Variants in NCALD observed in about 807,000 individuals in gnomAD.
The protein encoded by NCALD is neurocalcin delta.
In NCALD, 10 loss-of-function variants were observed where a neutral mutation model predicts 18.6. The observed-to-expected ratio is 0.54, with a 90% CI of 0.33 to 0.91. The LOEUF is 0.91. Among genes scored for constraint, NCALD ranks in the 40% least tolerant of loss-of-function variants. The pLI is 0.03. For synonymous variants in NCALD, 88 were observed against 87.4 expected (o/e 1.01, Z -0.04); for missense variants, 184 against 247.6 (o/e 0.74, Z 1.72).
intron 1 of NCALD, among the ~76,000 whole-genome samples, chr8:102,101,530 G>A (rs1048859162): frequency 2.0e-5 from 3 of 152,170 alleles, no homozygotes; most frequent in African/African-American, 7.2e-5. Flanking sequence ...GTTGCTGTAT[G>A]CATTCACAAA....
At chr8:101,790,544 C>T (rs950297084) in intron 1 of NCALD, among the ~76,000 whole-genome samples, 2 of 152,172 alleles carry the variant, frequency 1.3e-5, no homozygotes, top group Non-Finnish European at 2.9e-5. Flanking sequence ...CAAAACAATA[C>T]TGAAGGGAGG....
At chr8:101,899,703 C>T (rs1030967088) in intron 3 of NCALD, among the ~76,000 whole-genome samples, 2 of 151,144 alleles carry the variant, frequency 1.3e-5, no homozygotes, top group African/African-American at 4.9e-5. Flanking sequence ...AATATTGAAC[C>T]ATTCTTTTAT....
intron 2 of NCALD, among the ~76,000 whole-genome samples, chr8:101,695,811 C>A (rs1319399518): frequency 6.6e-6 from 1 of 152,088 alleles, no homozygotes; most frequent in Non-Finnish European, 1.5e-5. Context: ...CTGATAGTAC[C>A]TAACATAGGG....
chr8:102,007,552 A>T (rs1159221725), intron 2 of NCALD, among the ~76,000 whole-genome samples: 1 of 152,248 alleles, frequency 6.6e-6, no homozygotes, highest in Non-Finnish European at 1.5e-5. Flanking sequence ...AAACTACAGC[A>T]TGATTACTTG....
chr8:101,884,991 GAAT>G (rs1816626153), intron 4 of NCALD, among the ~76,000 whole-genome samples: 1 of 152,146 alleles, frequency 6.6e-6, no homozygotes, highest in Admixed American at 6.5e-5. Context: ...TGAAAATACA[GAAT>G]AATGGGCTCC....
At chr8:101,862,732 A>G (rs1443282984) in intron 4 of NCALD, among the ~76,000 whole-genome samples, 1 of 152,154 alleles carries the variant, frequency 6.6e-6, no homozygotes, top group Non-Finnish European at 1.5e-5. Context: ...TCCCTCCTTC[A>G]TTTGGGGAAG....
At chr8:101,692,379 G>A (rs1814769272) in intron 3 of NCALD, 1 of 985,254 alleles carries the variant, frequency 1.0e-6, no homozygotes, top group Non-Finnish European at 1.2e-6. Context: ...AGGCTGGAGT[G>A]AAAGCTGTCG....
chr8:101,782,040 T>TG (rs200037129), intron 1 of NCALD, among the ~76,000 whole-genome samples: 4,091 of 146,874 alleles, frequency 0.028, 93 homozygotes, highest in Middle Eastern at 0.05. Flanking sequence ...TTCAGAATAA[T>TG]GTGCAGTGTC....
At chr8:102,038,172 T>G (rs145345756) in intron 1 of NCALD, among the ~76,000 whole-genome samples, 2,208 of 152,174 alleles carry the variant, frequency 0.015, 26 homozygotes, top group Non-Finnish European at 0.022. Context: ...ACCCTGGAGC[T>G]CCTAATGGTG....
chr8:101,749,386 T>C (rs762364191), intron 1 of NCALD, among the ~76,000 whole-genome samples: 2 of 152,082 alleles, frequency 1.3e-5, no homozygotes, highest in Admixed American at 1.3e-4. Flanking sequence ...GAATAGGATT[T>C]AAAAAAGGGC....
chr8:101,901,270 G>A (rs2131564698), intron 3 of NCALD, among the ~76,000 whole-genome samples: 1 of 151,326 alleles, frequency 6.6e-6, no homozygotes, highest in East Asian at 1.9e-4. Flanking sequence ...ACAGCATATA[G>A]TTGGGGTTTT....
rs1161512747 is a variant in NCALD at position 101,935,968 on chromosome 8, G to A, written c.-156-20110C>T. On this transcript the variant is annotated intron_variant, in intron 2 of 6. Transcript: ENST00000311028. ...ACGATTAGTGCTGGCTTTAGTAAGA[G>A]CAGGGATGATTCATCCTAGTTAATA... is the stretch of plus-strand genomic sequence containing the variant. Among the ~76,000 whole-genome samples the A allele has an allele frequency of 2.6e-5, 4 of 152,002 alleles. No individual in the cohort carries two copies. In the East Asian group the frequency reaches 7.7e-4, roughly 29 times the overall value.
chr8:101,794,152 G>T (rs966562763), upstream of NCALD, among the ~76,000 whole-genome samples: 2 of 152,154 alleles, frequency 1.3e-5, no homozygotes, highest in Non-Finnish European at 2.9e-5. Context: ...CTGACACCTT[G>T]CCACAGGGTA....
chr8:101,928,648 T>G (rs1163554525), intron 2 of NCALD, among the ~76,000 whole-genome samples: 22 of 152,026 alleles, frequency 1.4e-4, no homozygotes, highest in Admixed American at 1.4e-3. Flanking sequence ...TCCTTTCTCT[T>G]CATTAACTTT....
chr8:101,942,628 CCTAA>C (rs745635195), intron 2 of NCALD, among the ~76,000 whole-genome samples: 25 of 152,268 alleles, frequency 1.6e-4, no homozygotes, highest in South Asian at 6.2e-4. Context: ...ACGTGTTCTA[CCTAA>C]CTAATTCTTA....
Position 102,073,255 on chromosome 8 carries a change from C to T in NCALD, c.-210+50982G>A, listed in dbSNP as rs139152965. ...GGCAGAGGTTGCAGTGAGCCAAGAT[C>T]GCGTCACTGCATTGCAGCCTGGGCA... On this transcript the variant is annotated intron_variant, in intron 1 of 6. Coordinates refer to the NCALD transcript ENST00000311028. Among the ~76,000 whole-genome samples, 557 of 152,144 alleles carry T rather than the reference C, an allele frequency of 3.7e-3. 5 individuals are homozygous for T. The highest frequency in any genetic ancestry group is 0.012 in the African/African-American group (514 of 41,490).
intron 1 of NCALD, among the ~76,000 whole-genome samples, chr8:102,108,452 G>C (rs927710539): frequency 3.3e-5 from 5 of 152,292 alleles, no homozygotes; most frequent in African/African-American, 1.2e-4. Context: ...CAAGTCCTCA[G>C]GTGTTTTAAA....
At chr8:101,957,655 C>T (rs1452104278) in intron 2 of NCALD, among the ~76,000 whole-genome samples, 1 of 152,070 alleles carries the variant, frequency 6.6e-6, no homozygotes, top group Non-Finnish European at 1.5e-5. Flanking sequence ...CTGGCTCAAC[C>T]GTTGAATCAG....
At chr8:101,931,060 C>T (rs556751542) in intron 2 of NCALD, among the ~76,000 whole-genome samples, 5 of 152,300 alleles carry the variant, frequency 3.3e-5, no homozygotes, top group African/African-American at 1.2e-4. Flanking sequence ...GCACCACTGT[C>T]CCTGGTGTCA....
Sources: gnomAD v4.1 joint callset for allele counts (sites outside exome capture counted in the v4.1 genomes callset) on GRCh38, gnomAD v4.1.1 for gene constraint, MANE v1.5 for transcripts, NCBI Gene and HGNC (gene_info 2026-07-23, HGNC 2026-07-21) for gene names.